The following PCSK5 variants were observed in gnomAD, a reference collection of about 807,000 sequenced individuals.
PCSK5 encodes prohormone convertase 5.
A neutral mutation model predicts 233.2 loss-of-function variants in PCSK5; 129 were observed. The observed-to-expected ratio is 0.55, with a 90% CI of 0.48 to 0.64. PCSK5 has a LOEUF of 0.64. Ranked by LOEUF, PCSK5 falls within the 30% of genes least tolerant of loss-of-function variation. The pLI is 0.00. For synonymous variants in PCSK5, 825 were observed against 879.2 expected (o/e 0.94, Z 1.09); for missense variants, 2,076 against 2,430.1 (o/e 0.85, Z 3.06).
intron 1 of PCSK5, among the ~76,000 whole-genome samples, chr9:75,898,677 A>AAC (rs1554702625): frequency 2.8e-3 from 422 of 149,326 alleles, no homozygotes; most frequent in African/African-American, 6.8e-3. Context: ...AAAAAAAAAA[A>AAC]CCCACTAGAG....
chr9:76,074,786 AT>A (rs1280534443), intron 7 of PCSK5, among the ~76,000 whole-genome samples: 1 of 152,190 alleles, frequency 6.6e-6, no homozygotes, highest in Non-Finnish European at 1.5e-5. Flanking sequence ...AATGCATTTT[AT>A]TTTTCAGAGA....
At chr9:76,112,395 T>C (rs192114294) in intron 9 of PCSK5, among the ~76,000 whole-genome samples, 3 of 152,224 alleles carry the variant, frequency 2.0e-5, no homozygotes, top group Admixed American at 1.3e-4. Context: ...TATATCTAGA[T>C]CTAAATTTAG....
At chr9:76,245,794 A>G (rs1032053563) in intron 24 of PCSK5, among the ~76,000 whole-genome samples, 7 of 152,188 alleles carry the variant, frequency 4.6e-5, no homozygotes, top group Non-Finnish European at 8.8e-5. Context: ...TGAAGGGGGT[A>G]TTAAGAAGTT....
At chr9:76,093,326 C>G (rs1310662477) in intron 7 of PCSK5, among the ~76,000 whole-genome samples, 1 of 151,936 alleles carries the variant, frequency 6.6e-6, no homozygotes, top group Non-Finnish European at 1.5e-5. Flanking sequence ...AACTCCTGGA[C>G]TCAGATGATC....
At position 76,336,819 on chromosome 9, in the gene PCSK5, G is replaced by A. The variant is rs78630207; in HGVS notation, c.4749-1411G>A. Among the ~76,000 whole-genome samples, 12 of 152,260 alleles carry A rather than the reference G, an allele frequency of 7.9e-5. No individual in the cohort carries two copies. The East Asian group carries it at 1.4e-3, about 17-fold the overall frequency. On this transcript the variant is annotated intron_variant, in intron 34 of 37. Coordinates refer to ENST00000674117, the MANE Select transcript of PCSK5 (RefSeq NM_001372043.1). ...ATAGATGAGAAACCTGAGGCACAGAGATGTTGAGTGACTGGCCCAAGGTCA... is the reference window on the plus strand; with the variant it reads ...ATAGATGAGAAACCTGAGGCACAGAAATGTTGAGTGACTGGCCCAAGGTCA...
chr9:76,094,763 C>A (rs548547830), intron 7 of PCSK5, among the ~76,000 whole-genome samples: 2 of 152,072 alleles, frequency 1.3e-5, no homozygotes, highest in South Asian at 4.2e-4. Flanking sequence ...GTGTGCACCA[C>A]CACGCCTCGC....
Position 75,891,272 on chromosome 9 carries a change from C to T in PCSK5, c.91C>T (p.Arg31Trp). The T allele has an allele frequency of 1.3e-6, 2 of 1,530,126 alleles. No individual in the cohort carries two copies. Among genetic ancestry groups the T allele is most frequent in the Admixed American group, 2.4e-5 (1 of 41,112 alleles). The allele number at this position is 1,530,126 out of a possible 1,614,324, so 94.8% of individuals were successfully genotyped here. A position where few individuals can be genotyped will look rare whatever the true frequency, so the allele number is the denominator to read the frequency against. Residue 31 changes from arginine to tryptophan, a missense_variant, in exon 1 of 38, where the codon CGG (arginine) becomes TGG (tryptophan). Physicochemically the swap from Arg to Trp is moderately radical, Grantham distance 101. Around this residue, in one of 6 missense-constraint regions of PCSK5, gnomAD observed 190 missense variants for 216.3 expected, o/e 0.88. Coordinates refer to ENST00000674117, the MANE Select transcript of PCSK5 (RefSeq NM_001372043.1). ...LLGGCLLPVCRTRVYTNHWAV... is the reference protein window; with the variant it reads ...LLGGCLLPVCWTRVYTNHWAV... ...CGGGGGCTGCCTGCTCCCCGTGTGT[C>T]GGACGCGCGTCTACACCAACCACTG...
chr9:76,077,325 C>G (rs1052618330), intron 7 of PCSK5, among the ~76,000 whole-genome samples: 2 of 152,164 alleles, frequency 1.3e-5, no homozygotes, highest in Admixed American at 1.3e-4. Flanking sequence ...ATCAAAATTT[C>G]TCTCTCAACT....
intron 33 of PCSK5, among the ~76,000 whole-genome samples, chr9:76,331,431 G>A (rs543655571): frequency 1.7e-4 from 26 of 152,164 alleles, no homozygotes; most frequent in Admixed American, 1.4e-3. Flanking sequence ...ACTTTGGGAG[G>A]CCGAGGTGGG....
At chr9:76,012,510 T>C (rs562291323) in intron 3 of PCSK5, among the ~76,000 whole-genome samples, 1 of 152,346 alleles carries the variant, frequency 6.6e-6, no homozygotes, top group South Asian at 2.1e-4. Flanking sequence ...CTGGCTATTA[T>C]GTTTTGGGAT....
At chr9:76,224,433 A>G (rs1320900109) in intron 20 of PCSK5, among the ~76,000 whole-genome samples, 1 of 152,122 alleles carries the variant, frequency 6.6e-6, no homozygotes, top group Non-Finnish European at 1.5e-5. Flanking sequence ...AAAAAAAGCC[A>G]AGGGAACTCA....
chr9:76,244,563 G>GTTTT (rs3077122), intron 24 of PCSK5, among the ~76,000 whole-genome samples: 1 of 66,760 alleles, frequency 1.5e-5, no homozygotes, highest in African/African-American at 5.6e-5. Context: ...AAATCCTGGG[G>GTTTT]TTTTTTTTTT....
chr9:76,189,354 G>C lies in PCSK5; in HGVS notation c.2510+131G>C, dbSNP rs1824255934. 3 of 780,046 alleles carry C rather than the reference G, an allele frequency of 3.8e-6. No individual in the cohort carries two copies. In the South Asian group the frequency reaches 5.3e-5, roughly 14 times the overall value. 48.3% of individuals were successfully genotyped at this position (780,046 alleles called of 1,614,324 possible). On this transcript the variant is annotated intron_variant, in intron 19 of 37. Transcript: ENST00000674117. ...GTTTAAACATGTACCTGTGGACACTGTTCTGAAGCTTTCACCCAGCTTATC... is the reference window on the plus strand; with the variant it reads ...GTTTAAACATGTACCTGTGGACACTCTTCTGAAGCTTTCACCCAGCTTATC...
At chr9:76,352,478 C>T (rs1347470989) in intron 36 of PCSK5, among the ~76,000 whole-genome samples, 1 of 152,122 alleles carries the variant, frequency 6.6e-6, no homozygotes, top group Non-Finnish European at 1.5e-5. Flanking sequence ...TACCCAGCCC[C>T]TATTCAAGAT....
chr9:76,164,717 C>T (rs1292383695), intron 12 of PCSK5, among the ~76,000 whole-genome samples: 1 of 152,180 alleles, frequency 6.6e-6, no homozygotes, highest in Non-Finnish European at 1.5e-5. Context: ...ATTCTTATTA[C>T]TTTTGTGTCA....
chr9:76,174,047 G>A (rs1283680933), intron 13 of PCSK5, among the ~76,000 whole-genome samples: 1 of 152,132 alleles, frequency 6.6e-6, no homozygotes, highest in Non-Finnish European at 1.5e-5. Flanking sequence ...CCAGTAGGAT[G>A]GCCACTAGCC....
chr9:75,892,237 A>C (rs1825641077), intron 1 of PCSK5, among the ~76,000 whole-genome samples: 1 of 152,216 alleles, frequency 6.6e-6, no homozygotes. Flanking sequence ...CTAGGGAGAA[A>C]TGCCCATAAA....
At chr9:76,158,314 C>T (rs1043236677) in intron 11 of PCSK5, among the ~76,000 whole-genome samples, 3 of 152,130 alleles carry the variant, frequency 2.0e-5, no homozygotes, top group Admixed American at 6.5e-5. Context: ...AAGCGTTAGC[C>T]GTAGGGACAT....
At chr9:76,320,428 C>CA (rs1220276098) in intron 30 of PCSK5, among the ~76,000 whole-genome samples, 148 of 57,166 alleles carry the variant, frequency 2.6e-3, no homozygotes, top group East Asian at 8.5e-3. Context: ...GACTCTGTCT[C>CA]AAAAAAAAAA....
Sources: allele counts gnomAD v4.1 joint callset (sites outside exome capture counted in the v4.1 genomes callset), GRCh38; gene constraint gnomAD v4.1.1; regional missense constraint gnomAD v4.1.1; transcripts MANE v1.5; gene names NCBI Gene and HGNC (gene_info 2026-07-23, HGNC 2026-07-21).